The following ANO4 variants were observed in gnomAD, a reference collection of about 807,000 sequenced individuals.
ANO4 encodes anoctamin-4.
Under a neutral mutation model 141.9 loss-of-function variants are expected in ANO4, and 69 were observed. That is an observed-to-expected ratio of 0.49 (90% CI 0.40 to 0.59). The LOEUF (loss-of-function observed/expected upper bound fraction) is 0.59. Ranked by LOEUF, ANO4 falls within the 20% of genes least tolerant of loss-of-function variation. The pLI is 0.00. For synonymous variants in ANO4, 350 were observed against 394.3 expected, an observed-to-expected ratio of 0.89 and a Z score of 1.33; for missense variants, 894 against 1,162.2, an observed-to-expected ratio of 0.77 and a Z score of 3.36.
intron 1 of ANO4, among the ~76,000 whole-genome samples, chr12:100,869,834 C>T (rs1310242959): frequency 1.3e-5 from 2 of 152,160 alleles, no homozygotes; most frequent in Non-Finnish European, 2.9e-5. Flanking sequence ...ACTGCTGTAA[C>T]CATAGCAATT....
At chr12:100,921,125 CTGAGAATCTACTTTGT>C (rs1381836876) in intron 2 of ANO4, among the ~76,000 whole-genome samples, 1 of 152,206 alleles carries the variant, frequency 6.6e-6, no homozygotes, top group East Asian at 1.9e-4. Flanking sequence ...TTCATTCAGC[CTGAGAATCTACTTTGT>C]TGAGAATCTA....
chr12:101,066,680 C>T, intron 14 of ANO4: 1 of 649,106 alleles, frequency 1.5e-6, no homozygotes, highest in East Asian at 2.7e-5. Flanking sequence ...GGTCGGCGGC[C>T]TCCTCCTGGA....
intron 14 of ANO4, among the ~76,000 whole-genome samples, chr12:101,058,847 C>T (rs1050881101): frequency 6.6e-6 from 1 of 152,028 alleles, no homozygotes; most frequent in Admixed American, 6.6e-5. Context: ...ATTTGAATAC[C>T]CTTTATTTCT....
rs927978657 is a variant in ANO4, at chr12:100,771,227, C to T, written c.358+31122C>T. ...TGGGGGCCATGGCAGACCTGTTCAT[C>T]AGAGCTCATCTAGGGTCAGATCAGT... is the stretch of plus-strand genomic sequence containing the variant. On this transcript the variant is annotated intron_variant, in intron 3 of 29. Coordinates refer to the ANO4 transcript ENST00000644049. Among the ~76,000 whole-genome samples the T allele has an allele frequency of 3.3e-5, 5 of 152,186 alleles. No homozygotes were observed. In the South Asian group the frequency reaches 1.0e-3, roughly 32 times the overall value.
At chr12:100,935,478 T>G (rs1186607206) in intron 3 of ANO4, among the ~76,000 whole-genome samples, 2 of 152,214 alleles carry the variant, frequency 1.3e-5, no homozygotes, top group Non-Finnish European at 2.9e-5. Flanking sequence ...TTGACTCTCT[T>G]TCTCATTTAA....
At chr12:101,119,336 T>G (rs1333130520) in intron 25 of ANO4, among the ~76,000 whole-genome samples, 4 of 152,196 alleles carry the variant, frequency 2.6e-5, no homozygotes, top group African/African-American at 7.2e-5. Flanking sequence ...TGTGCACACC[T>G]GTAGTCCCAG....
intron 1 of ANO4, among the ~76,000 whole-genome samples, chr12:100,812,948 G>A (rs1386805231): frequency 1.3e-5 from 2 of 152,162 alleles, no homozygotes; most frequent in Admixed American, 1.3e-4. Context: ...ATGAAAAGTG[G>A]GTGGACTACT....
chr12:100,761,503 A>G (rs2135526562), intron 3 of ANO4, among the ~76,000 whole-genome samples: 1 of 152,328 alleles, frequency 6.6e-6, no homozygotes, highest in Middle Eastern at 3.4e-3. Flanking sequence ...ACACAGGATG[A>G]GCTTAATTCC....
chr12:100,806,143 C>A (rs924002813), intron 1 of ANO4, among the ~76,000 whole-genome samples: 3 of 152,028 alleles, frequency 2.0e-5, no homozygotes, highest in Non-Finnish European at 4.4e-5. Flanking sequence ...GGGCAGGTGG[C>A]TAAGGAAGTA....
intron 3 of ANO4, among the ~76,000 whole-genome samples, chr12:100,777,511 C>T (rs2033564066): frequency 6.6e-6 from 1 of 151,922 alleles, no homozygotes; most frequent in Non-Finnish European, 1.5e-5. Flanking sequence ...CCCTTAGAAA[C>T]TCCCCTTGGC....
At chr12:100,771,110 A>G (rs767372261) in intron 3 of ANO4, among the ~76,000 whole-genome samples, 3 of 152,216 alleles carry the variant, frequency 2.0e-5, no homozygotes, top group Non-Finnish European at 4.4e-5. Context: ...TCACTGTCAT[A>G]TTGAAGAGGA....
intron 1 of ANO4, among the ~76,000 whole-genome samples, chr12:100,808,041 T>A (rs953368561): frequency 6.6e-6 from 1 of 152,186 alleles, no homozygotes; most frequent in African/African-American, 2.4e-5. Flanking sequence ...TGCATGTATC[T>A]TTATGGTAGA....
intron 8 of ANO4, among the ~76,000 whole-genome samples, chr12:100,998,416 C>CTATCT (rs1566107984): frequency 4.2e-5 from 4 of 95,652 alleles, no homozygotes; most frequent in African/African-American, 8.3e-5. Flanking sequence ...TCTATCTATC[C>CTATCT]ATCCTATTAG....
intron 3 of ANO4, among the ~76,000 whole-genome samples, chr12:100,929,944 CT>C (rs2042022558): frequency 6.6e-6 from 1 of 152,028 alleles, no homozygotes; most frequent in South Asian, 2.1e-4. Flanking sequence ...TGTTGAGCAC[CT>C]TTTCATGTGC....
At chr12:100,883,443 T>C (rs2039669408) in intron 1 of ANO4, among the ~76,000 whole-genome samples, 1 of 152,258 alleles carries the variant, frequency 6.6e-6, no homozygotes, top group Non-Finnish European at 1.5e-5. Flanking sequence ...CAAAAACAGA[T>C]GGTAGGCCAG....
chr12:100,995,701 A>C (rs2136373360), intron 8 of ANO4, among the ~76,000 whole-genome samples: 1 of 152,346 alleles, frequency 6.6e-6, no homozygotes, highest in South Asian at 2.1e-4. Flanking sequence ...ACCCCTTGAA[A>C]TAAAGTCTGC....
intron 1 of ANO4, among the ~76,000 whole-genome samples, chr12:100,891,446 A>G (rs2040099458): frequency 6.6e-6 from 1 of 152,162 alleles, no homozygotes; most frequent in Non-Finnish European, 1.5e-5. Context: ...CCAGCAGTGA[A>G]TGAAGGTTCC....
At chr12:100,729,093 A>T (rs1426468586) in intron 1 of ANO4, among the ~76,000 whole-genome samples, 1 of 152,078 alleles carries the variant, frequency 6.6e-6, no homozygotes, top group Non-Finnish European at 1.5e-5. Context: ...AATATAATTC[A>T]GTTGTGTTTG....
At chr12:100,904,260 C>T (rs2040735095) in intron 2 of ANO4, among the ~76,000 whole-genome samples, 2 of 151,904 alleles carry the variant, frequency 1.3e-5, no homozygotes. Context: ...AAGTCCCTGC[C>T]CTTGGGGAGT....
Sources: allele counts gnomAD v4.1 joint callset (sites outside exome capture counted in the v4.1 genomes callset), GRCh38; gene constraint gnomAD v4.1.1; transcripts MANE v1.5; gene names NCBI Gene and HGNC (gene_info 2026-07-23, HGNC 2026-07-21).